Variants in SEMA5A observed in about 807,000 individuals in gnomAD.
SEMA5A encodes semaphorin 5A, also known as semaphorin-5A.
In SEMA5A, 55 loss-of-function variants were observed where a neutral mutation model predicts 135.5. That is an observed-to-expected ratio of 0.41 (90% confidence interval 0.33 to 0.51). The LOEUF is 0.51. Ranked by LOEUF, SEMA5A falls within the 20% of genes least tolerant of loss-of-function variation. The probability of loss-of-function intolerance (pLI) is 0.37; values close to 1 mark genes in which losing one functional copy is unlikely to be tolerated. For missense variants in SEMA5A, 1,290 were observed against 1,419.9 expected, an observed-to-expected ratio of 0.91 and a Z score of 1.47; for synonymous variants, 580 against 546.5, an observed-to-expected ratio of 1.06 and a Z score of -0.85.
intron 5 of SEMA5A, among the ~76,000 whole-genome samples, chr5:9,244,020 G>A (rs1272482764): frequency 6.6e-6 from 1 of 152,128 alleles, no homozygotes; most frequent in Non-Finnish European, 1.5e-5. Context: ...ATGTATTCAT[G>A]TCTAAAGCCT....
chr5:9,176,531 G>A (rs1744214426), intron 11 of SEMA5A, among the ~76,000 whole-genome samples: 1 of 152,172 alleles, frequency 6.6e-6, no homozygotes, highest in African/African-American at 2.4e-5. Context: ...AGTGTATGAT[G>A]CTTGAAATTG....
intron 2 of SEMA5A, among the ~76,000 whole-genome samples, chr5:9,393,719 T>C (rs1038598108): frequency 1.3e-5 from 2 of 152,148 alleles, no homozygotes; most frequent in African/African-American, 4.8e-5. Flanking sequence ...ACAAACAAAT[T>C]AGTGTCTTCC....
chr5:9,293,676 T>G (rs1751195230), intron 5 of SEMA5A, among the ~76,000 whole-genome samples: 1 of 152,212 alleles, frequency 6.6e-6, no homozygotes, highest in South Asian at 2.1e-4. Flanking sequence ...TACTTTTCTT[T>G]CTCCTCCTCC....
At chr5:9,343,067 T>C (rs1427736802) in intron 3 of SEMA5A, among the ~76,000 whole-genome samples, 1 of 152,198 alleles carries the variant, frequency 6.6e-6, no homozygotes, top group Non-Finnish European at 1.5e-5. Context: ...TTTTCAACTA[T>C]GGACTAGAGA....
intron 8 of SEMA5A, among the ~76,000 whole-genome samples, chr5:9,222,428 G>T (rs780857552): frequency 3.3e-5 from 5 of 152,174 alleles, no homozygotes; most frequent in Non-Finnish European, 7.3e-5. Context: ...CAGGGCTCTT[G>T]GTTTTCTATC....
At chr5:9,323,704 C>T (rs1252495881) in intron 4 of SEMA5A, among the ~76,000 whole-genome samples, 1 of 147,896 alleles carries the variant, frequency 6.8e-6, no homozygotes, top group Non-Finnish European at 1.5e-5. Flanking sequence ...CTTCTTCGCC[C>T]AGGCTGGAGT....
chr5:9,197,096 G>A, intron 10 of SEMA5A, 72 bp downstream of exon 10: 1 of 1,592,666 alleles, frequency 6.3e-7, no homozygotes, highest in East Asian at 2.2e-5. Context: ...AATTACCCTT[G>A]CCTGTCTACA....
intron 22 of SEMA5A, among the ~76,000 whole-genome samples, chr5:9,043,839 C>G (rs969004112): frequency 1.3e-5 from 2 of 152,170 alleles, no homozygotes; most frequent in African/African-American, 4.8e-5. Context: ...CTTCTGATGC[C>G]CATAGTAACA....
chr5:9,248,917 G>A (rs1748623701), intron 5 of SEMA5A, among the ~76,000 whole-genome samples: 1 of 152,170 alleles, frequency 6.6e-6, no homozygotes, highest in African/African-American at 2.4e-5. Flanking sequence ...AAAAATTTCT[G>A]TTGCTCTAAC....
intron 11 of SEMA5A, among the ~76,000 whole-genome samples, chr5:9,181,607 C>T (rs539580281): frequency 1.3e-5 from 2 of 152,222 alleles, no homozygotes; most frequent in Non-Finnish European, 2.9e-5. Context: ...TCAGCCAAGT[C>T]CTCTCCTTCC....
chr5:9,215,077 C>A (rs955008311), intron 8 of SEMA5A, among the ~76,000 whole-genome samples: 9 of 152,124 alleles, frequency 5.9e-5, no homozygotes, highest in African/African-American at 2.2e-4. Flanking sequence ...AAGGAAGAAA[C>A]ATGTAAAACA....
At chr5:9,425,528 G>T (rs1757617808) in intron 2 of SEMA5A, among the ~76,000 whole-genome samples, 1 of 152,210 alleles carries the variant, frequency 6.6e-6, no homozygotes, top group African/African-American at 2.4e-5. Flanking sequence ...ACGACCACTA[G>T]CCCTTGGTGA....
chr5:9,444,283 C>T (rs1285011723), intron 1 of SEMA5A, among the ~76,000 whole-genome samples: 1 of 151,662 alleles, frequency 6.6e-6, no homozygotes, highest in South Asian at 2.1e-4. Context: ...TCTTGGTGCA[C>T]CCATTACCTG....
intron 16 of SEMA5A, among the ~76,000 whole-genome samples, chr5:9,092,326 A>C (rs893101609): frequency 3.9e-5 from 6 of 152,232 alleles, no homozygotes; most frequent in Non-Finnish European, 4.4e-5. Context: ...TATTTACAGG[A>C]GGAAGCTCAA....
At chr5:9,430,200 A>AG (rs1757808748) in intron 2 of SEMA5A, among the ~76,000 whole-genome samples, 1 of 152,232 alleles carries the variant, frequency 6.6e-6, no homozygotes, top group Non-Finnish European at 1.5e-5. Flanking sequence ...AGCAAGTGGA[A>AG]GACTGGACTT....
At chr5:9,110,677 C>T (rs764296802) in intron 15 of SEMA5A, among the ~76,000 whole-genome samples, 12 of 152,076 alleles carry the variant, frequency 7.9e-5, no homozygotes, top group East Asian at 1.9e-4. Context: ...AAGGAGCCTC[C>T]GGAGAGTCAA....
At chr5:9,382,088 G>T (rs1216341654) in intron 2 of SEMA5A, among the ~76,000 whole-genome samples, 1 of 151,898 alleles carries the variant, frequency 6.6e-6, no homozygotes, top group Admixed American at 6.6e-5. Flanking sequence ...CTGAGGTCAG[G>T]AGTTCGAGAC....
At chr5:9,364,989 A>G (rs904522280) in intron 3 of SEMA5A, among the ~76,000 whole-genome samples, 1 of 152,210 alleles carries the variant, frequency 6.6e-6, no homozygotes, top group South Asian at 2.1e-4. Context: ...TTGAGTACTC[A>G]TTGTTCAGAA....
intron 16 of SEMA5A, among the ~76,000 whole-genome samples, chr5:9,081,635 A>T (rs551693653): frequency 6.6e-6 from 1 of 152,304 alleles, no homozygotes; most frequent in East Asian, 1.9e-4. Context: ...TGTTGATGAA[A>T]GTCCTGCAAG....
Sources: gnomAD v4.1 joint callset for allele counts (sites outside exome capture counted in the v4.1 genomes callset) on GRCh38, gnomAD v4.1.1 for gene constraint, MANE v1.5 for transcripts, NCBI Gene and HGNC (gene_info 2026-07-23, HGNC 2026-07-21) for gene names.